AGBL1: variants seen among roughly 807,000 people sequenced by gnomAD.
The protein encoded by AGBL1 is cytosolic carboxypeptidase 4.
In AGBL1, 130 loss-of-function variants were observed where a neutral mutation model predicts 118.9. The observed-to-expected ratio is 1.09, with a 90% CI of 0.95 to 1.26. AGBL1 has a LOEUF of 1.26. Among genes scored for constraint, AGBL1 ranks in the 50% most tolerant of loss-of-function variants. The pLI is 0.00. For synonymous variants in AGBL1, 555 were observed against 478.9 expected, an observed-to-expected ratio of 1.16 and a Z score of -2.08; for missense variants, 1,584 against 1,298.1, an observed-to-expected ratio of 1.22 and a Z score of -3.38.
At chr15:86,806,739 A>G (rs2078718515) in intron 22 of AGBL1, among the ~76,000 whole-genome samples, 1 of 151,524 alleles carries the variant, frequency 6.6e-6, no homozygotes, top group African/African-American at 2.4e-5. Context: ...AAAGTAATAT[A>G]AAAGTTCTCA....
intron 22 of AGBL1, among the ~76,000 whole-genome samples, chr15:86,841,284 G>A (rs1358319282): frequency 6.6e-6 from 1 of 152,164 alleles, no homozygotes; most frequent in Admixed American, 6.6e-5. Flanking sequence ...CTTTTCCAGA[G>A]GGATTTTGTT....
chr15:86,990,854 G>C (rs1490914902), intron 24 of AGBL1, among the ~76,000 whole-genome samples: 1 of 152,186 alleles, frequency 6.6e-6, no homozygotes. Context: ...AAACTCAGAA[G>C]GGGGAGGTTT....
At chr15:86,952,259 T>G (rs1403181415) in intron 23 of AGBL1, among the ~76,000 whole-genome samples, 1 of 152,136 alleles carries the variant, frequency 6.6e-6, no homozygotes, top group Non-Finnish European at 1.5e-5. Context: ...TTGTCACTCT[T>G]ATTTTCTTTT....
At chr15:86,830,029 C>G (rs985196105) in intron 22 of AGBL1, among the ~76,000 whole-genome samples, 1 of 152,018 alleles carries the variant, frequency 6.6e-6, no homozygotes, top group African/African-American at 2.4e-5. Flanking sequence ...GTAAAACTTA[C>G]CACCAGGTAT....
intron 17 of AGBL1, among the ~76,000 whole-genome samples, chr15:86,332,916 A>G (rs769776530): frequency 6.6e-5 from 10 of 152,210 alleles, no homozygotes; most frequent in Non-Finnish European, 1.3e-4. Context: ...TTACATGGAA[A>G]TTGAACAACT....
Position 86,264,379 on chromosome 15 carries a change from G to C in AGBL1, c.1208G>C (p.Cys403Ser). The change falls in exon 11 of 23, where the codon TGT becomes TCT. Residue 403 changes from cysteine to serine, a missense_variant. Transcript: ENST00000614907. ...QHCYSKDQSS[C>S]GQEREYAVQT... is the part of the protein sequence containing the mutation. ...TGCTACAGCAAGGACCAAAGCTCCT[G>C]TGGGCAAGAAAGAGAATATGCTGTC... 2 of 1,613,862 alleles carry C rather than the reference G, an allele frequency of 1.2e-6. No homozygotes were observed. Among genetic ancestry groups the C allele is most frequent in the Non-Finnish European group, 1.7e-6 (2 of 1,179,836 alleles).
chr15:86,877,230 A>G (rs2079823638), intron 22 of AGBL1, among the ~76,000 whole-genome samples: 1 of 152,144 alleles, frequency 6.6e-6, no homozygotes, highest in African/African-American at 2.4e-5. Flanking sequence ...CCTGGCTGCC[A>G]CTCAACAATG....
At chr15:86,868,323 G>C (rs1017661384) in intron 22 of AGBL1, among the ~76,000 whole-genome samples, 3 of 152,212 alleles carry the variant, frequency 2.0e-5, no homozygotes, top group Non-Finnish European at 2.9e-5. Context: ...ATAGCACAAA[G>C]CTTGCATATA....
intron 17 of AGBL1, among the ~76,000 whole-genome samples, chr15:86,319,971 G>T (rs141627539): frequency 1.3e-5 from 2 of 151,798 alleles, no homozygotes; most frequent in African/African-American, 4.8e-5. Flanking sequence ...TGGTCAGGCT[G>T]GTCTCAAACT....
At chr15:86,479,429 A>G (rs1181602985) in intron 18 of AGBL1, among the ~76,000 whole-genome samples, 2 of 152,236 alleles carry the variant, frequency 1.3e-5, no homozygotes. Context: ...GGATATGAAC[A>G]GACACTTCTC....
At chr15:86,650,397 C>G (rs992425279) in intron 21 of AGBL1, among the ~76,000 whole-genome samples, 2 of 152,160 alleles carry the variant, frequency 1.3e-5, no homozygotes, top group African/African-American at 4.8e-5. Context: ...GAATCTATGT[C>G]TCTGACACTA....
intron 22 of AGBL1, among the ~76,000 whole-genome samples, chr15:86,743,401 C>G (rs991789099): frequency 2.0e-5 from 3 of 152,118 alleles, no homozygotes; most frequent in African/African-American, 7.2e-5. Context: ...CCACTTCATC[C>G]TATTTTCATC....
rs556055017 is a variant in AGBL1, at chr15:86,562,550, T to G, written c.2994+8013T>G. 1.4e-3 allele frequency among the ~76,000 whole-genome samples: 214 copies of G among 152,366 alleles called. 6 individuals carry two copies. The South Asian group carries it at 0.043, about 31-fold the overall frequency. ...TGCTGCTGGATTTGCTTTGCCAGTA[T>G]TTTATTGAGGATTTTTGCATCAATG... On this transcript the variant is annotated intron_variant, in intron 21 of 22. Transcript: ENST00000614907.
intron 23 of AGBL1, among the ~76,000 whole-genome samples, chr15:86,965,686 A>C (rs1437992238): frequency 6.6e-6 from 1 of 152,148 alleles, no homozygotes; most frequent in African/African-American, 2.4e-5. Context: ...AAAAAGGATG[A>C]GTTCATGTCC....
chr15:86,195,721 C>T (rs753392487), intron 5 of AGBL1, among the ~76,000 whole-genome samples: 10 of 152,078 alleles, frequency 6.6e-5, no homozygotes, highest in African/African-American at 9.7e-5. Flanking sequence ...TTTGGCAAAA[C>T]GTGGTTTAAA....
chr15:86,496,249 C>T (rs919301757), intron 18 of AGBL1, among the ~76,000 whole-genome samples: 1 of 151,972 alleles, frequency 6.6e-6, no homozygotes, highest in African/African-American at 2.4e-5. Flanking sequence ...CTCCTGCCAC[C>T]TTGTGAAGAA....
At chr15:86,955,945 G>T (rs1476256528) in intron 23 of AGBL1, among the ~76,000 whole-genome samples, 2 of 152,038 alleles carry the variant, frequency 1.3e-5, no homozygotes, top group South Asian at 4.1e-4. Flanking sequence ...TGAAGCCAGG[G>T]TTTTACAAAA....
chr15:86,669,106 A>G (rs7163980), intron 21 of AGBL1, among the ~76,000 whole-genome samples: 65,599 of 152,050 alleles, frequency 0.43, 15,120 homozygotes, highest in Middle Eastern at 0.58. Flanking sequence ...AATGTTAAAA[A>G]AAAAAGTTTA....
At chr15:86,943,933 G>A (rs1443774931) in intron 23 of AGBL1, among the ~76,000 whole-genome samples, 2 of 152,098 alleles carry the variant, frequency 1.3e-5, no homozygotes, top group Non-Finnish European at 2.9e-5. Context: ...TAACTTCAAG[G>A]AAGACTGGAG....
Sources: gnomAD v4.1 joint callset for allele counts (sites outside exome capture counted in the v4.1 genomes callset) on GRCh38, gnomAD v4.1.1 for gene constraint, MANE v1.5 for transcripts, NCBI Gene and HGNC (gene_info 2026-07-23, HGNC 2026-07-21) for gene names.